SH3RF3: variants seen among roughly 807,000 people sequenced by gnomAD.
SH3RF3 encodes E3 ubiquitin-protein ligase SH3RF3.
Under a neutral mutation model 66.3 loss-of-function variants are expected in SH3RF3, and 29 were observed. That is an observed-to-expected ratio of 0.44 (90% confidence interval 0.33 to 0.60). The LOEUF is 0.60. Among genes scored for constraint, SH3RF3 ranks in the 20% least tolerant of loss-of-function variants. SH3RF3 has a pLI of 0.04. For missense variants in SH3RF3, 1,194 were observed against 1,190.9 expected, an observed-to-expected ratio of 1.00 and a Z score of -0.04; for synonymous variants, 583 against 532.0, an observed-to-expected ratio of 1.10 and a Z score of -1.32.
At chr2:109,145,471 G>C (rs1364569532) in intron 1 of SH3RF3, among the ~76,000 whole-genome samples, 1 of 152,170 alleles carries the variant, frequency 6.6e-6, no homozygotes, top group African/African-American at 2.4e-5. Flanking sequence ...GTCTGTCCGT[G>C]AGGGAATGCC....
chr2:109,254,256 T>C (rs1680166845), intron 1 of SH3RF3, among the ~76,000 whole-genome samples: 1 of 152,118 alleles, frequency 6.6e-6, no homozygotes, highest in Admixed American at 6.5e-5. Context: ...ATCAATATGT[T>C]TTTCTAGAGT....
intron 1 of SH3RF3, among the ~76,000 whole-genome samples, chr2:109,227,577 C>G (rs1194851201): frequency 6.6e-6 from 1 of 152,206 alleles, no homozygotes; most frequent in East Asian, 1.9e-4. Context: ...TCTGGGAGAT[C>G]CCTGGCTCTT....
chr2:109,194,218 C>T (rs187570711), intron 1 of SH3RF3, among the ~76,000 whole-genome samples: 65 of 152,348 alleles, frequency 4.3e-4, no homozygotes, highest in African/African-American at 1.5e-3. Context: ...GTGCAGACCA[C>T]GTTTCAGGAA....
chr2:109,148,380 C>T (rs916289910), intron 1 of SH3RF3, among the ~76,000 whole-genome samples: 7 of 152,218 alleles, frequency 4.6e-5, no homozygotes, highest in African/African-American at 1.7e-4. Flanking sequence ...AGCTCATGAG[C>T]CAGCCATCAT....
At chr2:109,339,787 C>A (rs749507289) in intron 1 of SH3RF3, among the ~76,000 whole-genome samples, 2 of 152,186 alleles carry the variant, frequency 1.3e-5, no homozygotes, top group Non-Finnish European at 2.9e-5. Flanking sequence ...AGGAAGTGAG[C>A]AATGCATCTC....
At chr2:109,334,633 A>G (rs537660571) in intron 1 of SH3RF3, among the ~76,000 whole-genome samples, 1 of 152,334 alleles carries the variant, frequency 6.6e-6, no homozygotes, top group East Asian at 1.9e-4. Flanking sequence ...GGATGGCAGC[A>G]TGGTGACAGG....
rs555368054 is a variant in SH3RF3 at position 109,436,077 on chromosome 2, C to CGG, written c.1575-813_1575-812dup. Reference sequence around the variant, plus strand: ...AGATGGCTGGACCAGGCACAGGAGACGGGGCAGGCAGCCTGTTCTCCCACC... The same window carrying CGG: ...AGATGGCTGGACCAGGCACAGGAGACGGGGGGCAGGCAGCCTGTTCTCCCACC... On this transcript the variant is annotated intron_variant, in intron 6 of 9. Coordinates refer to ENST00000309415, the MANE Select transcript of SH3RF3 (RefSeq NM_001099289.3). Among the ~76,000 whole-genome samples, 8 of 152,224 alleles carry CGG rather than the reference C, an allele frequency of 5.3e-5. No homozygotes were observed. The East Asian group carries it at 1.5e-3, about 29-fold the overall frequency.
At chr2:109,470,766 TCCACAGG>T (rs1182396894) in intron 8 of SH3RF3, among the ~76,000 whole-genome samples, 1 of 152,218 alleles carries the variant, frequency 6.6e-6, no homozygotes, top group Admixed American at 6.5e-5. Context: ...CCACCCCTGT[TCCACAGG>T]CCACAGCTTA....
chr2:109,468,153 T>C (rs1287330175), intron 8 of SH3RF3, among the ~76,000 whole-genome samples: 1 of 152,186 alleles, frequency 6.6e-6, no homozygotes, highest in Non-Finnish European at 1.5e-5. Context: ...CTTGTGAACA[T>C]CACAGAGTGG....
chr2:109,177,840 G>A (rs1208592329), intron 1 of SH3RF3, among the ~76,000 whole-genome samples: 2 of 152,248 alleles, frequency 1.3e-5, no homozygotes, highest in Non-Finnish European at 2.9e-5. Flanking sequence ...CCAACTGCCA[G>A]ATGGCTTGTA....
In SH3RF3 at chr2:109,256,201, A is replaced by G. The variant is rs1680217199; in HGVS notation, c.574-91473A>G. On this transcript the variant is annotated intron_variant, in intron 1 of 9. Transcript: ENST00000309415. ...GAGTCCTGTCCCCTGAGTGGAGGTG[A>G]AAGGTAGACAAGGAAGACCCCACAG... Among the ~76,000 whole-genome samples the G allele has an allele frequency of 2.6e-5, 4 of 152,132 alleles. No homozygotes were observed. The South Asian group carries it at 8.3e-4, about 32-fold the overall frequency.
chr2:109,379,851 C>T (rs1683472821), intron 3 of SH3RF3, among the ~76,000 whole-genome samples: 1 of 152,102 alleles, frequency 6.6e-6, no homozygotes, highest in East Asian at 1.9e-4. Flanking sequence ...GACCAGGAAG[C>T]ACCCAATGGC....
rs376987339 is a variant in SH3RF3, at chr2:109,237,978, A to T, written c.573+107865A>T. Among the ~76,000 whole-genome samples, 3 of 152,334 alleles carry T rather than the reference A, an allele frequency of 2.0e-5. No individual in the cohort carries two copies. The East Asian group carries it at 5.8e-4, about 29-fold the overall frequency. Reference sequence around the variant, plus strand: ...GACCACGCAATGGCTCATGCTTGTAATCCTAGCACTTGAGGTCAGGAGTTC... The same window carrying T: ...GACCACGCAATGGCTCATGCTTGTATTCCTAGCACTTGAGGTCAGGAGTTC... On this transcript the variant is annotated intron_variant, in intron 1 of 9. Coordinates refer to ENST00000309415, the MANE Select transcript of SH3RF3 (RefSeq NM_001099289.3).
intron 1 of SH3RF3, among the ~76,000 whole-genome samples, chr2:109,266,953 C>G (rs1426918619): frequency 1.3e-5 from 2 of 152,134 alleles, no homozygotes; most frequent in Admixed American, 1.3e-4. Flanking sequence ...TTTACAAATA[C>G]GTGTAAGTGG....
chr2:109,252,768 C>A (rs535988515), intron 1 of SH3RF3, among the ~76,000 whole-genome samples: 2 of 152,304 alleles, frequency 1.3e-5, no homozygotes, highest in African/African-American at 4.8e-5. Context: ...TCATGTAACA[C>A]AAAGCCTGTT....
At chr2:109,204,777 G>C (rs1429941553) in intron 1 of SH3RF3, among the ~76,000 whole-genome samples, 2 of 152,192 alleles carry the variant, frequency 1.3e-5, no homozygotes, top group Non-Finnish European at 2.9e-5. Flanking sequence ...CTGCATTCTA[G>C]ATTTATTGGG....
chr2:109,211,136 T>C (rs1322977780), intron 1 of SH3RF3, among the ~76,000 whole-genome samples: 1 of 152,164 alleles, frequency 6.6e-6, no homozygotes. Flanking sequence ...AAACGTTACT[T>C]GCAGAATTAA....
intron 1 of SH3RF3, among the ~76,000 whole-genome samples, chr2:109,139,136 A>T (rs1240108583): frequency 6.6e-6 from 1 of 152,200 alleles, no homozygotes; most frequent in South Asian, 2.1e-4. Flanking sequence ...TTAACTCTTT[A>T]TAATCATATC....
chr2:109,376,135 G>T (rs928494651), intron 3 of SH3RF3, among the ~76,000 whole-genome samples: 1 of 152,236 alleles, frequency 6.6e-6, no homozygotes, highest in Non-Finnish European at 1.5e-5. Flanking sequence ...AGTGAAAGCT[G>T]CTCCTCGGTC....
Sources: allele counts gnomAD v4.1 joint callset (sites outside exome capture counted in the v4.1 genomes callset), GRCh38; gene constraint gnomAD v4.1.1; transcripts MANE v1.5; gene names NCBI Gene and HGNC (gene_info 2026-07-23, HGNC 2026-07-21).